Variants in NYAP2 observed in about 807,000 individuals in gnomAD.
NYAP2 encodes the protein neuronal tyrosine-phosphorylated phosphoinositide-3-kinase adapter 2.
NYAP2 carries 23 observed loss-of-function variants against 50.4 expected under a neutral mutation model. The observed-to-expected ratio is 0.46, with a 90% CI of 0.33 to 0.65. The LOEUF is 0.65. Among genes scored for constraint, NYAP2 ranks in the 30% least tolerant of loss-of-function variants. NYAP2 has a pLI of 0.02. For synonymous variants in NYAP2, 394 were observed against 365.2 expected (o/e 1.08, Z -0.90); for missense variants, 885 against 861.0 (o/e 1.03, Z -0.35).
chr2:225,657,482 A>T (rs1651853372), downstream of NYAP2, among the ~76,000 whole-genome samples: 1 of 151,866 alleles, frequency 6.6e-6, no homozygotes, highest in Non-Finnish European at 1.5e-5. Context: ...GCAAAGCTCC[A>T]TCCTCATTTA....
intron 3 of NYAP2, among the ~76,000 whole-genome samples, chr2:225,449,091 T>C (rs1324852377): frequency 6.6e-6 from 1 of 152,212 alleles, no homozygotes; most frequent in African/African-American, 2.4e-5. Flanking sequence ...AACAAGTATA[T>C]ATTTATTGAG....
At chr2:225,580,046 C>A (rs1692245266) in intron 4 of NYAP2, among the ~76,000 whole-genome samples, 1 of 152,200 alleles carries the variant, frequency 6.6e-6, no homozygotes, top group Non-Finnish European at 1.5e-5. Flanking sequence ...CAACCCCAGT[C>A]CATTCAATTC....
intron 5 of NYAP2, among the ~76,000 whole-genome samples, chr2:225,584,437 G>T (rs1692355261): frequency 6.6e-6 from 1 of 152,158 alleles, no homozygotes; most frequent in Non-Finnish European, 1.5e-5. Context: ...AACAGACCCA[G>T]ATTAGTTTTT....
At chr2:225,655,065 C>T (rs542937477), downstream of NYAP2, among the ~76,000 whole-genome samples, 2 of 152,182 alleles carry the variant, frequency 1.3e-5, no homozygotes, top group East Asian at 3.9e-4. Context: ...CAGCCCACCA[C>T]CAGAGGTGGT....
At chr2:225,473,849 A>G (rs967183986) in intron 3 of NYAP2, among the ~76,000 whole-genome samples, 1 of 152,186 alleles carries the variant, frequency 6.6e-6, no homozygotes. Flanking sequence ...TTTTGTTGCC[A>G]TTGCTTTTGG....
chr2:225,399,446 C>G (rs531219195), upstream of NYAP2, among the ~76,000 whole-genome samples: 1 of 151,836 alleles, frequency 6.6e-6, no homozygotes, highest in Admixed American at 6.6e-5. Context: ...TGGGAAATAT[C>G]AGAAATAGAA....
chr2:225,478,445 G>T (rs994407284), intron 3 of NYAP2, among the ~76,000 whole-genome samples: 1 of 152,208 alleles, frequency 6.6e-6, no homozygotes, highest in Non-Finnish European at 1.5e-5. Flanking sequence ...AGAACTCACA[G>T]CAGGTTTAGT....
chr2:225,626,902 C>A lies in NYAP2; in HGVS notation c.1619-15C>A, dbSNP rs772174107. On this transcript the variant is annotated splice_polypyrimidine_tract_variant and intron_variant, in intron 5 of 6. Transcript: ENST00000636099. ...TACTCTTGTTTAACAGAATGTAATT[C>A]TGGTTACTACACAGAATCAACAGAG... 3.9e-6 allele frequency: 6 copies of A among 1,541,860 alleles called. No homozygotes were observed. The highest frequency in any genetic ancestry group is 5.3e-6 in the Non-Finnish European group (6 of 1,135,676).
intron 5 of NYAP2, among the ~76,000 whole-genome samples, chr2:225,622,514 CTTT>C (rs1693124657): frequency 3.0e-5 from 1 of 33,236 alleles, no homozygotes; most frequent in Non-Finnish European, 7.8e-5. Flanking sequence ...TTCTTTCTTT[CTTT>C]CTTCTTTCTT....
At chr2:225,420,037 G>T (rs1468885511) in intron 3 of NYAP2, among the ~76,000 whole-genome samples, 1 of 152,168 alleles carries the variant, frequency 6.6e-6, no homozygotes, top group East Asian at 1.9e-4. Context: ...TAATTGGTAG[G>T]TTTAGTCTTA....
intron 4 of NYAP2, among the ~76,000 whole-genome samples, chr2:225,523,008 G>A (rs1400096132): frequency 1.3e-5 from 2 of 152,126 alleles, no homozygotes; most frequent in Non-Finnish European, 2.9e-5. Flanking sequence ...CCTGGAGACA[G>A]TTGAAGAAAA....
chr2:225,597,366 G>T (rs1417873400), intron 5 of NYAP2, among the ~76,000 whole-genome samples: 1 of 150,638 alleles, frequency 6.6e-6, no homozygotes, highest in African/African-American at 2.4e-5. Flanking sequence ...TCATAGCTTA[G>T]CTCCCACTTA....
At chr2:225,509,367 G>A (rs1475924136) in intron 3 of NYAP2, among the ~76,000 whole-genome samples, 4 of 152,140 alleles carry the variant, frequency 2.6e-5, no homozygotes, top group East Asian at 1.9e-4. Context: ...CTGCTGACCA[G>A]GATCAGGGAT....
At chr2:225,516,228 A>T (rs1690932374) in intron 4 of NYAP2, among the ~76,000 whole-genome samples, 1 of 152,170 alleles carries the variant, frequency 6.6e-6, no homozygotes, top group African/African-American at 2.4e-5. Context: ...TCTCTCTCAG[A>T]TGCCTTCACC....
chr2:225,520,629 T>C (rs1691035362), intron 4 of NYAP2, among the ~76,000 whole-genome samples: 1 of 152,226 alleles, frequency 6.6e-6, no homozygotes, highest in African/African-American at 2.4e-5. Context: ...TCCATTGATC[T>C]ATATTTCTGT....
intron 4 of NYAP2, among the ~76,000 whole-genome samples, chr2:225,526,206 G>T (rs1176171154): frequency 6.6e-6 from 1 of 152,142 alleles, no homozygotes; most frequent in African/African-American, 2.4e-5. Flanking sequence ...GCTAGTAAAG[G>T]TATTGATTTT....
At chr2:225,606,866 C>A (rs1409442107) in intron 5 of NYAP2, among the ~76,000 whole-genome samples, 1 of 152,058 alleles carries the variant, frequency 6.6e-6, no homozygotes, top group Non-Finnish European at 1.5e-5. Context: ...TCTCCTAGAG[C>A]TTGGCATCAT....
chr2:225,590,764 G>T (rs540516753), intron 5 of NYAP2, among the ~76,000 whole-genome samples: 2 of 152,312 alleles, frequency 1.3e-5, no homozygotes, highest in South Asian at 4.1e-4. Flanking sequence ...TTGCAACGAG[G>T]ACAGATCAGG....
At chr2:225,524,937 A>G (rs1478665473) in intron 4 of NYAP2, among the ~76,000 whole-genome samples, 1 of 152,202 alleles carries the variant, frequency 6.6e-6, no homozygotes, top group Non-Finnish European at 1.5e-5. Flanking sequence ...ATATATAGAT[A>G]CTTTTCAAGA....
Sources: gnomAD v4.1 joint callset for allele counts (sites outside exome capture counted in the v4.1 genomes callset) on GRCh38, gnomAD v4.1.1 for gene constraint, MANE v1.5 for transcripts, NCBI Gene and HGNC (gene_info 2026-07-23, HGNC 2026-07-21) for gene names.